The following INSYN2B variants were observed in gnomAD, a reference collection of about 807,000 sequenced individuals.
INSYN2B encodes the protein inhibitory synaptic factor family member 2B, also known as protein INSYN2B.
Under a neutral mutation model 41.2 loss-of-function variants are expected in INSYN2B, and 16 were observed. The ratio of observed to expected loss-of-function variants is 0.39; its 90% CI spans 0.26 to 0.59. The LOEUF (loss-of-function observed/expected upper bound fraction) is 0.59. Among genes scored for constraint, INSYN2B ranks in the 20% least tolerant of loss-of-function variants. The pLI is 0.57. For synonymous variants in INSYN2B, 245 were observed against 244.4 expected (o/e 1.00, Z -0.02); for missense variants, 608 against 646.4 (o/e 0.94, Z 0.64).
intron 3 of INSYN2B, among the ~76,000 whole-genome samples, chr5:169,868,562 C>T (rs545478322): frequency 9.8e-4 from 149 of 152,272 alleles, no homozygotes; most frequent in Non-Finnish European, 1.8e-3. Context: ...AGTTTGAGAC[C>T]AGCCTGGGCA....
At chr5:169,907,910 C>A (rs6871299) in intron 1 of INSYN2B, among the ~76,000 whole-genome samples, 2 of 151,992 alleles carry the variant, frequency 1.3e-5, no homozygotes, top group Admixed American at 1.3e-4. Context: ...TTGGCCAGTC[C>A]GTGTCGGTAA....
At chr5:169,928,557 A>G (rs1775587915) in intron 1 of INSYN2B, among the ~76,000 whole-genome samples, 1 of 152,234 alleles carries the variant, frequency 6.6e-6, no homozygotes, top group South Asian at 2.1e-4. Flanking sequence ...AGTGAGTGAC[A>G]TGAAGCATCG....
intron 1 of INSYN2B, among the ~76,000 whole-genome samples, chr5:169,946,765 G>A (rs1776467427): frequency 6.6e-6 from 1 of 152,218 alleles, no homozygotes; most frequent in Non-Finnish European, 1.5e-5. Context: ...AAGTCACACA[G>A]TAGGATCCTG....
At chr5:169,978,129 A>G (rs2113777362) in intron 1 of INSYN2B, among the ~76,000 whole-genome samples, 1 of 152,152 alleles carries the variant, frequency 6.6e-6, no homozygotes, top group African/African-American at 2.4e-5. Context: ...TGAAGTTACT[A>G]TAGCAACGTG....
Position 169,870,046 on chromosome 5 carries a change from A to G in INSYN2B, c.1422-5587T>C, listed in dbSNP as rs542814753. 1.1e-4 allele frequency among the ~76,000 whole-genome samples: 16 copies of G among 152,358 alleles called. No individual in the cohort carries two copies. The South Asian group carries it at 3.3e-3, about 32-fold the overall frequency. On this transcript the variant is annotated intron_variant, in intron 3 of 3. Transcript: ENST00000377365. ...ACGAGCCCTTGAGATAGTCCAGGGCATTCATGGTATGTGAGTTGGTCTTCC... is the reference window on the plus strand; with the variant it reads ...ACGAGCCCTTGAGATAGTCCAGGGCGTTCATGGTATGTGAGTTGGTCTTCC...
chr5:169,903,183 G>A (rs1774042546), intron 1 of INSYN2B, among the ~76,000 whole-genome samples: 1 of 151,916 alleles, frequency 6.6e-6, no homozygotes, highest in African/African-American at 2.4e-5. Context: ...AAGCTGAGGT[G>A]GGAGGATCTT....
intron 3 of INSYN2B, among the ~76,000 whole-genome samples, chr5:169,869,626 A>G (rs1237188356): frequency 1.3e-5 from 2 of 152,168 alleles, no homozygotes; most frequent in Non-Finnish European, 2.9e-5. Context: ...TAGAAAAGAG[A>G]AGATGCATTT....
chr5:169,948,876 G>A (rs755259722), intron 1 of INSYN2B, among the ~76,000 whole-genome samples: 7 of 151,454 alleles, frequency 4.6e-5, no homozygotes, highest in East Asian at 1.9e-4. Context: ...CTGGTCATTC[G>A]TCCCTGCCTC....
At chr5:169,908,320 C>A (rs1042486724) in intron 1 of INSYN2B, among the ~76,000 whole-genome samples, 1 of 151,940 alleles carries the variant, frequency 6.6e-6, no homozygotes, top group Non-Finnish European at 1.5e-5. Flanking sequence ...TAAGCACATG[C>A]GATTCTTGTG....
At chr5:169,969,445 A>G (rs1777421772) in intron 1 of INSYN2B, among the ~76,000 whole-genome samples, 1 of 152,206 alleles carries the variant, frequency 6.6e-6, no homozygotes, top group Non-Finnish European at 1.5e-5. Flanking sequence ...GCTCCATCTC[A>G]AAAAACAAAG....
intron 1 of INSYN2B, among the ~76,000 whole-genome samples, chr5:169,946,762 A>G (rs368258960): frequency 6.6e-6 from 1 of 152,224 alleles, no homozygotes; most frequent in Non-Finnish European, 1.5e-5. Context: ...TGAAAGTCAC[A>G]CAGTAGGATC....
chr5:169,949,551 G>A (rs547372456), intron 1 of INSYN2B, among the ~76,000 whole-genome samples: 15 of 151,922 alleles, frequency 9.9e-5, no homozygotes, highest in African/African-American at 1.2e-4. Flanking sequence ...ATTTGGAGGC[G>A]TTGGTACCCA....
At chr5:169,891,885 C>T (rs545295594) in intron 1 of INSYN2B, among the ~76,000 whole-genome samples, 9 of 151,432 alleles carry the variant, frequency 5.9e-5, no homozygotes, top group Non-Finnish European at 1.0e-4. Context: ...ATCCCAGCTA[C>T]TTGGCAGGCT....
intron 1 of INSYN2B, among the ~76,000 whole-genome samples, chr5:169,886,818 C>G (rs1772997042): frequency 6.6e-6 from 1 of 152,186 alleles, no homozygotes; most frequent in Non-Finnish European, 1.5e-5. Context: ...CTCATTAGCA[C>G]TTCATTCTGG....
intron 1 of INSYN2B, among the ~76,000 whole-genome samples, chr5:169,895,996 G>A (rs1385498299): frequency 6.6e-6 from 1 of 152,164 alleles, no homozygotes; most frequent in Non-Finnish European, 1.5e-5. Context: ...TGAATGCTAT[G>A]ATCTCAAGCC....
At chr5:169,915,710 T>G (rs1399622131) in intron 1 of INSYN2B, among the ~76,000 whole-genome samples, 1 of 152,088 alleles carries the variant, frequency 6.6e-6, no homozygotes, top group East Asian at 1.9e-4. Flanking sequence ...AAGGCAATTG[T>G]CAGCATAGTC....
intron 1 of INSYN2B, among the ~76,000 whole-genome samples, chr5:169,933,677 G>T (rs576125824): frequency 1.3e-5 from 2 of 152,106 alleles, no homozygotes. Context: ...CTTACTGGCC[G>T]CACTAAGAGA....
rs373919192 is a variant in INSYN2B at position 169,930,444 on chromosome 5, C to G, written c.-918-45628G>C. ...GGGTAATGTGTGTCCTCTGGGATGACATTTCTTGGACAATTTCCCTTCTCC... is the reference window on the plus strand; with the variant it reads ...GGGTAATGTGTGTCCTCTGGGATGAGATTTCTTGGACAATTTCCCTTCTCC... On this transcript the variant is annotated intron_variant, in intron 1 of 3. Coordinates refer to ENST00000377365, the MANE Select transcript of INSYN2B (RefSeq NM_001129891.3). Among the ~76,000 whole-genome samples the G allele has an allele frequency of 5.4e-4, 83 of 152,298 alleles. No individual in the cohort carries two copies. The South Asian group carries it at 0.013, about 25-fold the overall frequency.
chr5:169,907,834 G>T (rs879502360), intron 1 of INSYN2B, among the ~76,000 whole-genome samples: 1 of 152,190 alleles, frequency 6.6e-6, no homozygotes, highest in Non-Finnish European at 1.5e-5. Context: ...CTGGGAGGGG[G>T]TGCTACTGGC....
Sources: allele counts gnomAD v4.1 joint callset (sites outside exome capture counted in the v4.1 genomes callset), GRCh38; gene constraint gnomAD v4.1.1; transcripts MANE v1.5; gene names NCBI Gene and HGNC (gene_info 2026-07-23, HGNC 2026-07-21).